DMD: variants seen among roughly 807,000 people sequenced by gnomAD.
DMD encodes mutant dystrophin.
DMD carries 63 observed loss-of-function variants against 330.1 expected under a neutral mutation model. The observed-to-expected ratio is 0.19, with a 90% CI of 0.16 to 0.24. DMD has a LOEUF of 0.24. Among genes scored for constraint, DMD ranks in the 10% least tolerant of loss-of-function variants. The pLI is 1.00. For synonymous variants in DMD, 1,223 were observed against 959.8 expected, an observed-to-expected ratio of 1.27 and a Z score of -5.07; for missense variants, 3,344 against 2,684.1, an observed-to-expected ratio of 1.25 and a Z score of -5.43.
rs2148807220 is a variant in DMD, at chrX:32,816,582, A to G, written c.416T>C (p.Ile139Thr). Residue 139 changes from isoleucine to threonine, a missense_variant, in exon 6 of 79, where the codon ATT becomes ACT. Coordinates refer to ENST00000357033, the MANE Select transcript of DMD (RefSeq NM_004006.3). ...TGATTGTCGGACCCAGCTCAGGAGA[A>G]TCTTTTCACTGTTGGTTTGTTGCAA... ...AGLQQTNSEK[I>T]LLSWVRQSTR... 1 of 1,211,580 alleles carries G rather than the reference A, an allele frequency of 8.3e-7. No individual in the cohort carries two copies.
chrX:32,456,958 T>TAA (rs59677275), intron 25 of DMD, among the ~76,000 whole-genome samples: 2,804 of 79,977 alleles, frequency 0.035, 52 homozygotes, highest in Non-Finnish European at 0.043. Flanking sequence ...TCCAGATTGT[T>TAA]AAAAAAAAAA....
At chrX:33,332,218 G>C (rs1390597067) in intron 1 of DMD, among the ~76,000 whole-genome samples, 3 of 111,035 alleles carry the variant, frequency 2.7e-5, no homozygotes, top group Non-Finnish European at 5.7e-5. Context: ...AATTTCTCAA[G>C]GTCAGAAAAT....
At chrX:31,364,579 T>A (rs1245372910) in intron 60 of DMD, among the ~76,000 whole-genome samples, 1 of 112,241 alleles carries the variant, frequency 8.9e-6, no homozygotes, top group Non-Finnish European at 1.9e-5. Flanking sequence ...AAAATTAGCA[T>A]TGATCCTAAA....
chrX:31,760,617 G>T (rs1420306287), intron 51 of DMD, among the ~76,000 whole-genome samples: 1 of 111,475 alleles, frequency 9.0e-6, no homozygotes, highest in East Asian at 2.8e-4. Context: ...CTAGGTTTGT[G>T]TAAGTACACT....
chrX:32,805,293 C>T lies in DMD; in HGVS notation c.649+4200G>A, dbSNP rs140127559. On this transcript the variant is annotated intron_variant, in intron 7 of 78. Coordinates refer to ENST00000357033, the MANE Select transcript of DMD (RefSeq NM_004006.3). The stretch of plus-strand genomic sequence containing the variant: ...AATGACCTGATGGAACTGAAAAACA[C>T]AGCACAACAACTTCATGAAGCATAC... 4.8e-3 allele frequency among the ~76,000 whole-genome samples: 535 copies of T among 111,798 alleles called. 10 individuals carry two copies. The highest frequency in any genetic ancestry group is 0.016 in the African/African-American group (499 of 30,747).
intron 7 of DMD, among the ~76,000 whole-genome samples, chrX:32,752,302 CCT>C (rs1172723389): frequency 1.8e-5 from 2 of 111,219 alleles, no homozygotes; most frequent in East Asian, 5.7e-4. Flanking sequence ...CACGTGAACC[CCT>C]CTCTTGCATC....
chrX:31,326,155 C>T (rs1364587241), intron 61 of DMD, among the ~76,000 whole-genome samples: 1 of 109,921 alleles, frequency 9.1e-6, no homozygotes, highest in Admixed American at 9.7e-5. Flanking sequence ...CTCTAAGCAG[C>T]GAGAGACAGA....
intron 41 of DMD, among the ~76,000 whole-genome samples, chrX:32,334,346 A>C (rs2148745266): frequency 8.9e-6 from 1 of 111,957 alleles, no homozygotes; most frequent in East Asian, 2.8e-4. Flanking sequence ...TAAGAAAATC[A>C]TTTATCTTCC....
At chrX:32,482,910 G>A (rs949414551) in intron 21 of DMD, among the ~76,000 whole-genome samples, 6 of 108,247 alleles carry the variant, frequency 5.5e-5, no homozygotes, top group African/African-American at 1.7e-4. Flanking sequence ...GTGTGAAAAA[G>A]CAAGTTTAAA....
intron 55 of DMD, among the ~76,000 whole-genome samples, chrX:31,514,013 G>A (rs190735484): frequency 1.3e-3 from 143 of 111,972 alleles, no homozygotes; most frequent in African/African-American, 4.0e-3. Flanking sequence ...TTAGTTGTTG[G>A]TGGTAGTTTT....
chrX:32,405,847 T>G (rs1277987801), intron 30 of DMD, among the ~76,000 whole-genome samples: 1 of 111,832 alleles, frequency 8.9e-6, no homozygotes, highest in East Asian at 2.8e-4. Context: ...TTGGGCAGTA[T>G]GGCCATTTTC....
chrX:31,735,100 T>C (rs1039739742), intron 51 of DMD, among the ~76,000 whole-genome samples: 3 of 111,055 alleles, frequency 2.7e-5, no homozygotes, highest in Non-Finnish European at 5.7e-5. Flanking sequence ...GCAGAGAGCC[T>C]TCCTTGGGAG....
intron 47 of DMD, among the ~76,000 whole-genome samples, chrX:31,919,519 G>A (rs764551934): frequency 2.7e-5 from 3 of 111,619 alleles, no homozygotes; most frequent in Non-Finnish European, 5.6e-5. Flanking sequence ...TTTGGTTTCC[G>A]GCCCATTTGC....
intron 62 of DMD, among the ~76,000 whole-genome samples, chrX:31,318,293 A>G (rs16998177): frequency 0.21 from 22,933 of 111,193 alleles, 3,442 homozygotes; most frequent in African/African-American, 0.53. Context: ...AGAGCCACAT[A>G]TACCAAAAGG....
At chrX:33,081,418 C>A (rs1457433805) in intron 1 of DMD, among the ~76,000 whole-genome samples, 2 of 111,776 alleles carry the variant, frequency 1.8e-5, no homozygotes, top group Admixed American at 9.5e-5. Context: ...GGATTACAGG[C>A]ATGTGCCACC....
At chrX:33,309,907 T>C (rs773800607) in intron 1 of DMD, among the ~76,000 whole-genome samples, 2 of 111,412 alleles carry the variant, frequency 1.8e-5, no homozygotes, top group African/African-American at 3.2e-5. Context: ...AAATGAAGCA[T>C]AGAAGTATTT....
chrX:33,146,326 T>TA (rs1350559499), intron 1 of DMD, among the ~76,000 whole-genome samples: 1 of 111,874 alleles, frequency 8.9e-6, no homozygotes, highest in Non-Finnish European at 1.9e-5. Flanking sequence ...TTGATTAGAC[T>TA]ATTCTGAAAA....
chrX:32,989,269 A>G (rs1469535387), intron 2 of DMD, among the ~76,000 whole-genome samples: 2 of 111,687 alleles, frequency 1.8e-5, no homozygotes, highest in Non-Finnish European at 3.8e-5. Context: ...AAATGTGACA[A>G]AACACTGCAA....
At chrX:32,440,775 TTAAG>T (rs1314532587) in intron 28 of DMD, among the ~76,000 whole-genome samples, 1 of 111,887 alleles carries the variant, frequency 8.9e-6, no homozygotes, top group Non-Finnish European at 1.9e-5. Context: ...ATTTGTGATT[TTAAG>T]TAAGTATAAA....
Sources: allele counts gnomAD v4.1 joint callset (sites outside exome capture counted in the v4.1 genomes callset), GRCh38; gene constraint gnomAD v4.1.1; transcripts MANE v1.5; gene names NCBI Gene and HGNC (gene_info 2026-07-23, HGNC 2026-07-21).